The following FBXO16 variants were observed in gnomAD, a reference collection of about 807,000 sequenced individuals.
FBXO16 encodes the protein F-box protein 16.
A neutral mutation model predicts 41.0 loss-of-function variants in FBXO16; 31 were observed. The observed-to-expected ratio is 0.76, with a 90% CI of 0.57 to 1.02. The LOEUF (loss-of-function observed/expected upper bound fraction) is 1.02. Ranked by LOEUF, FBXO16 falls within the 50% of genes least tolerant of loss-of-function variation. The probability of loss-of-function intolerance (pLI) is 0.00; values close to 1 mark genes in which losing one functional copy is unlikely to be tolerated. For synonymous variants in FBXO16, 133 were observed against 117.8 expected, an observed-to-expected ratio of 1.13 and a Z score of -0.84; for missense variants, 361 against 346.2, an observed-to-expected ratio of 1.04 and a Z score of -0.34.
intron 7 of FBXO16, among the ~76,000 whole-genome samples, chr8:28,433,956 ATTTTTT>A (rs773888558): frequency 2.5e-5 from 3 of 118,330 alleles, no homozygotes; most frequent in African/African-American, 1.1e-4. Context: ...TCACTCCCTG[ATTTTTT>A]TTTTTTTTTT....
chr8:28,469,066 T>G (rs1341956526), intron 3 of FBXO16, among the ~76,000 whole-genome samples: 2 of 152,054 alleles, frequency 1.3e-5, no homozygotes, highest in Non-Finnish European at 1.5e-5. Flanking sequence ...CCCAGCACTT[T>G]GGAAGGCCGA....
chr8:28,488,149 C>T (rs1803632679), intron 1 of FBXO16, among the ~76,000 whole-genome samples: 3 of 152,076 alleles, frequency 2.0e-5, no homozygotes, highest in Non-Finnish European at 4.4e-5. Context: ...CTGCGCCCAG[C>T]CAAATATTCA....
intron 4 of FBXO16, among the ~76,000 whole-genome samples, chr8:28,458,493 G>A (rs1402265080): frequency 6.6e-6 from 1 of 151,918 alleles, no homozygotes; most frequent in Non-Finnish European, 1.5e-5. Context: ...GGAAAGGGAA[G>A]GGGGAGAAAA....
At chr8:28,478,152 C>T (rs757815426) in intron 2 of FBXO16, among the ~76,000 whole-genome samples, 4 of 151,976 alleles carry the variant, frequency 2.6e-5, no homozygotes, top group Admixed American at 6.6e-5. Context: ...CCTAACTAAA[C>T]CAAAAAATTA....
intron 5 of FBXO16, among the ~76,000 whole-genome samples, chr8:28,455,442 A>T (rs983645101): frequency 6.6e-6 from 1 of 152,098 alleles, no homozygotes; most frequent in Admixed American, 6.5e-5. Flanking sequence ...TTCCTATGTT[A>T]TACGAGCTGG....
chr8:28,440,305 T>C (rs1034733541), intron 7 of FBXO16, among the ~76,000 whole-genome samples: 1 of 152,124 alleles, frequency 6.6e-6, no homozygotes, highest in Non-Finnish European at 1.5e-5. Flanking sequence ...GGTCTCACTA[T>C]GTTGCCCAGG....
chr8:28,446,398 C>A (rs1585897489), intron 7 of FBXO16, among the ~76,000 whole-genome samples: 2 of 151,192 alleles, frequency 1.3e-5, no homozygotes, highest in Non-Finnish European at 3.0e-5. Flanking sequence ...CGCTCGAATC[C>A]CTGACCTCAA....
At chr8:28,435,191 A>G (rs1802669725) in intron 7 of FBXO16, among the ~76,000 whole-genome samples, 1 of 144,488 alleles carries the variant, frequency 6.9e-6, no homozygotes, top group Non-Finnish European at 1.5e-5. Flanking sequence ...TTTTTTTGAG[A>G]CGGAGTTTCA....
chr8:28,482,478 C>T (rs1803530118), intron 2 of FBXO16, among the ~76,000 whole-genome samples: 1 of 152,138 alleles, frequency 6.6e-6, no homozygotes, highest in Non-Finnish European at 1.5e-5. Flanking sequence ...TGGTCAGTCT[C>T]ACACCCCAGC....
intron 2 of FBXO16, among the ~76,000 whole-genome samples, chr8:28,474,316 CAAAAA>C: frequency 1.8e-5 from 1 of 56,656 alleles, no homozygotes; most frequent in East Asian, 4.1e-4. Context: ...CAGACCCTGT[CAAAAA>C]AAAAAAAAAA....
At chr8:28,452,886 A>G (rs2130128446) in intron 5 of FBXO16, among the ~76,000 whole-genome samples, 1 of 151,876 alleles carries the variant, frequency 6.6e-6, no homozygotes, top group East Asian at 1.9e-4. Context: ...GAATATATTG[A>G]TGTGAGTTGG....
intron 3 of FBXO16, among the ~76,000 whole-genome samples, chr8:28,469,329 A>G (rs1401089734): frequency 6.6e-6 from 1 of 151,388 alleles, no homozygotes; most frequent in African/African-American, 2.4e-5. Context: ...AAAAAAAAAA[A>G]TTGTTTTCAG....
At chr8:28,449,349 T>A (rs1361958556) in intron 6 of FBXO16, among the ~76,000 whole-genome samples, 2 of 138,432 alleles carry the variant, frequency 1.4e-5, no homozygotes, top group African/African-American at 5.7e-5. Context: ...TGAGACAGGG[T>A]CTTGCTCTGT....
At chr8:28,470,613 A>G (rs891729345) in intron 3 of FBXO16, among the ~76,000 whole-genome samples, 4 of 152,222 alleles carry the variant, frequency 2.6e-5, no homozygotes, top group African/African-American at 4.8e-5. Flanking sequence ...ATATATTATT[A>G]TCTAGCTCTT....
At chr8:28,456,057 T>C (rs1357393770) in intron 5 of FBXO16, among the ~76,000 whole-genome samples, 1 of 152,206 alleles carries the variant, frequency 6.6e-6, no homozygotes, top group Non-Finnish European at 1.5e-5. Flanking sequence ...ACTCATCTAT[T>C]GTATGAAATG....
chr8:28,430,724 C>A (rs1447284043), intron 7 of FBXO16, among the ~76,000 whole-genome samples: 1 of 152,130 alleles, frequency 6.6e-6, no homozygotes. Flanking sequence ...GTAATCCTAG[C>A]ACTTTGGGAG....
intron 6 of FBXO16, 165 bp from the exon 7 acceptor site, chr8:28,447,438 C>G (rs1802882815): frequency 1.7e-6 from 1 of 583,416 alleles, no homozygotes; most frequent in African/African-American, 1.9e-5. Flanking sequence ...CTGGTTGCAT[C>G]AACTCCTGCA....
chr8:28,443,794 C>CAAGA (rs1802817790), intron 7 of FBXO16, among the ~76,000 whole-genome samples: 1 of 152,102 alleles, frequency 6.6e-6, no homozygotes, highest in Non-Finnish European at 1.5e-5. Context: ...CCACCAAAAC[C>CAAGA]AAGATGGCGA....
At chr8:28,454,975 A>G (rs2130133629) in intron 5 of FBXO16, among the ~76,000 whole-genome samples, 1 of 152,218 alleles carries the variant, frequency 6.6e-6, no homozygotes, top group South Asian at 2.1e-4. Context: ...TAAAAAAAAT[A>G]TGGAATGCTT....
Sources: allele counts gnomAD v4.1 joint callset (sites outside exome capture counted in the v4.1 genomes callset), GRCh38; gene constraint gnomAD v4.1.1; transcripts MANE v1.5; gene names NCBI Gene and HGNC (gene_info 2026-07-23, HGNC 2026-07-21).